LRRC31: variants seen among roughly 807,000 people sequenced by gnomAD.
The protein encoded by LRRC31 is leucine-rich repeat-containing protein 31.
Under a neutral mutation model 46.7 loss-of-function variants are expected in LRRC31, and 35 were observed. The observed-to-expected ratio is 0.75, with a 90% CI of 0.57 to 0.99. The LOEUF (loss-of-function observed/expected upper bound fraction) is 0.99. LRRC31 is among the 50% of genes least tolerant of loss of function. The pLI, the probability that LRRC31 is intolerant of heterozygous loss-of-function variation, is 0.00. For missense variants in LRRC31, 613 were observed against 626.1 expected (o/e 0.98, Z 0.22); for synonymous variants, 236 against 235.1 (o/e 1.00, Z -0.03).
chr3:169,848,457 G>GT (rs557006674), intron 7 of LRRC31, among the ~76,000 whole-genome samples, 170 bp from the exon 8 acceptor site: 126 of 152,158 alleles, frequency 8.3e-4, no homozygotes, highest in Non-Finnish European at 1.6e-3. Flanking sequence ...TATGTTGTCT[G>GT]TTTTTTGTTT....
intron 3 of LRRC31, among the ~76,000 whole-genome samples, chr3:169,857,624 G>A (rs141628210): frequency 6.6e-6 from 1 of 151,882 alleles, no homozygotes; most frequent in African/African-American, 2.4e-5. Flanking sequence ...GAGGCTGGGA[G>A]AGAATAGGAG....
At chr3:169,849,762 A>G (rs1405269960) in intron 7 of LRRC31, among the ~76,000 whole-genome samples, 1 of 152,236 alleles carries the variant, frequency 6.6e-6, no homozygotes, top group Non-Finnish European at 1.5e-5. Flanking sequence ...TCCGCTCAGC[A>G]TACACCAAAA....
At chr3:169,852,084 G>C (rs1203000390) in intron 6 of LRRC31, among the ~76,000 whole-genome samples, 2 of 152,066 alleles carry the variant, frequency 1.3e-5, no homozygotes, top group South Asian at 4.1e-4. Flanking sequence ...CTGAACCTTA[G>C]CCTTCTCAAC....
At chr3:169,850,207 G>A (rs1420617972) in intron 7 of LRRC31, among the ~76,000 whole-genome samples, 2 of 152,118 alleles carry the variant, frequency 1.3e-5, no homozygotes, top group African/African-American at 4.8e-5. Flanking sequence ...AAAAATAAAT[G>A]CATATTATTT....
intron 8 of LRRC31, among the ~76,000 whole-genome samples, chr3:169,844,930 C>CAAAAAAAAAAAA (rs59099192): frequency 3.0e-5 from 3 of 99,624 alleles, no homozygotes; most frequent in Non-Finnish European, 6.5e-5. Flanking sequence ...GACTCCATCT[C>CAAAAAAAAAAAA]AAAAAAAAAA....
chr3:169,859,026 G>A (rs1461075274), intron 3 of LRRC31, among the ~76,000 whole-genome samples: 1 of 88,744 alleles, frequency 1.1e-5, no homozygotes, highest in Non-Finnish European at 2.2e-5. Flanking sequence ...AAGGGGGGGG[G>A]TGGGGGATGG....
At chr3:169,849,672 G>A (rs965119857) in intron 7 of LRRC31, among the ~76,000 whole-genome samples, 1 of 152,142 alleles carries the variant, frequency 6.6e-6, no homozygotes, top group Non-Finnish European at 1.5e-5. Flanking sequence ...CCCTCCCAAA[G>A]TACTGGGATT....
In LRRC31 at chr3:169,856,348, C is replaced by A; in HGVS notation, c.811G>T (p.Val271Phe). ...ATTGTTAACTCACCCAATATTTTGACACTCTTTTGTGATAATCCACATGAA... is the reference window on the plus strand; with the variant it reads ...ATTGTTAACTCACCCAATATTTTGAAACTCTTTTGTGATAATCCACATGAA... ...LHSCGLSQKS[V>F]KILDAAFRYL... The change falls in exon 5 of 9, where the codon GTC becomes TTC. Residue 271 changes from valine (V) to phenylalanine (F), a missense_variant. Val to Phe is a conservative substitution (Grantham distance 50). Transcript: ENST00000316428. 1 of 1,567,762 alleles carries A rather than the reference C, an allele frequency of 6.4e-7. No homozygotes were observed. The highest frequency in any genetic ancestry group is 1.8e-5 in the Admixed American group (1 of 55,486).
chr3:169,855,811 G>C (rs116532235), intron 5 of LRRC31, among the ~76,000 whole-genome samples: 1,611 of 151,962 alleles, frequency 0.011, 8 homozygotes, highest in Non-Finnish European at 0.017. Flanking sequence ...AAATATACTG[G>C]CCTTTTCAGA....
In LRRC31 at chr3:169,860,697, T is replaced by C; in HGVS notation, c.351A>G (p.Glu117=). The C allele has an allele frequency of 6.2e-7, 1 of 1,614,100 alleles. No individual in the cohort carries two copies. Among genetic ancestry groups the C allele is most frequent in the South Asian group, 1.1e-5 (1 of 91,074 alleles). The change falls in exon 3 of 9, where the codon GAA becomes GAG. Residue 117 remains glutamate, a synonymous_variant. Transcript: ENST00000316428. ...AACCATTCCAGGAGATATCCAGTTC[T>C]TCCAAGTCTGGGAGAAAAGGCAGCA... ...VALLPFLPDL[E]ELDISWNGFV... is the part of the protein sequence containing the mutation.
intron 1 of LRRC31, 86 bp downstream of exon 1, chr3:169,869,547 C>G: frequency 7.8e-7 from 1 of 1,289,576 alleles, no homozygotes; most frequent in Middle Eastern, 2.8e-4. Context: ...TATGTACCCA[C>G]AAAAATTAAA....
Position 169,855,709 on chromosome 3 carries a change from A to G in LRRC31, c.823+627T>C, listed in dbSNP as rs147681026. On this transcript the variant is annotated intron_variant, in intron 5 of 8. Transcript: ENST00000316428. ...CAGTACCTATTCCTTCCTACTACTG[A>G]GCATAAAATAATGCTGACACTTTCA... 1.2e-3 allele frequency among the ~76,000 whole-genome samples: 184 copies of G among 152,264 alleles called. 1 individual carries two copies. Among genetic ancestry groups the G allele is most frequent in the African/African-American group, 4.2e-3 (176 of 41,554 alleles).
intron 8 of LRRC31, among the ~76,000 whole-genome samples, chr3:169,845,720 G>A (rs1412249414): frequency 5.9e-5 from 9 of 152,048 alleles, no homozygotes; most frequent in Non-Finnish European, 1.3e-4. Context: ...ATAGGTAATA[G>A]GTCAAAATAT....
chr3:169,858,813 G>A (rs1443042313), intron 3 of LRRC31, among the ~76,000 whole-genome samples: 1 of 152,078 alleles, frequency 6.6e-6, no homozygotes, highest in African/African-American at 2.4e-5. Context: ...AAACCAGCCT[G>A]GCCAGCATGG....
At chr3:169,854,337 G>T (rs1780878225) in intron 6 of LRRC31, among the ~76,000 whole-genome samples, 1 of 152,194 alleles carries the variant, frequency 6.6e-6, no homozygotes, top group African/African-American at 2.4e-5. Context: ...AACTATGTTT[G>T]CAGTAGGAAA....
intron 8 of LRRC31, among the ~76,000 whole-genome samples, chr3:169,843,889 T>C (rs1382871828): frequency 1.3e-5 from 2 of 152,250 alleles, no homozygotes; most frequent in African/African-American, 2.4e-5. Context: ...CAGAACTTGC[T>C]TAAGAAGAAA....
At chr3:169,842,963 A>G (rs1468639669) in intron 8 of LRRC31, among the ~76,000 whole-genome samples, 21 of 152,234 alleles carry the variant, frequency 1.4e-4, no homozygotes, top group Non-Finnish European at 3.1e-4. Context: ...CCCTTGCAGT[A>G]GTCAGAATTC....
intron 7 of LRRC31, among the ~76,000 whole-genome samples, chr3:169,849,048 T>C (rs761973702): frequency 1.2e-4 from 18 of 152,244 alleles, no homozygotes; most frequent in Non-Finnish European, 1.9e-4. Flanking sequence ...GGAAAGTAAC[T>C]AATGTATTTT....
intron 3 of LRRC31, among the ~76,000 whole-genome samples, chr3:169,859,794 T>A (rs764273016): frequency 2.0e-5 from 3 of 152,176 alleles, no homozygotes; most frequent in Non-Finnish European, 4.4e-5. Flanking sequence ...AACTCCTCTA[T>A]TTTACACATG....
Sources: gnomAD v4.1 joint callset for allele counts (sites outside exome capture counted in the v4.1 genomes callset) on GRCh38, gnomAD v4.1.1 for gene constraint, MANE v1.5 for transcripts, NCBI Gene and HGNC (gene_info 2026-07-23, HGNC 2026-07-21) for gene names.